The following ATG16L1 variants were observed in gnomAD, a reference collection of about 807,000 sequenced individuals.
ATG16L1 encodes autophagy related 16 like 1, also known as autophagy-related protein 16-1.
ATG16L1 carries 37 observed loss-of-function variants against 88.5 expected under a neutral mutation model. That is an observed-to-expected ratio of 0.42 (90% CI 0.32 to 0.55). The LOEUF (loss-of-function observed/expected upper bound fraction) is 0.55, where lower values mean the gene tolerates loss of function less well. ATG16L1 is among the 20% of genes least tolerant of loss of function. The probability of loss-of-function intolerance (pLI) is 0.13; values close to 1 mark genes in which losing one functional copy is unlikely to be tolerated. For synonymous variants in ATG16L1, 301 were observed against 281.0 expected (o/e 1.07, Z -0.71); for missense variants, 554 against 752.8 (o/e 0.74, Z 3.09).
chr2:233,252,424 G>T (rs1696440402), intron 1 of ATG16L1, among the ~76,000 whole-genome samples: 1 of 151,796 alleles, frequency 6.6e-6, no homozygotes, highest in Non-Finnish European at 1.5e-5. Context: ...CTGTGTCGCC[G>T]AGCCTGGAGT....
At chr2:233,270,124 G>C in intron 6 of ATG16L1, 57 bp downstream of exon 6, 1 of 1,485,876 alleles carries the variant, frequency 6.7e-7, no homozygotes, top group Non-Finnish European at 9.0e-7. Context: ...TCTCTTAAAA[G>C]TTTTGTTTTT....
intron 2 of ATG16L1, among the ~76,000 whole-genome samples, chr2:233,258,313 G>A (rs569483910): frequency 2.0e-4 from 31 of 152,170 alleles, no homozygotes; most frequent in Non-Finnish European, 4.3e-4. Context: ...GTAGCCTGAT[G>A]TATTTACTCC....
chr2:233,274,000 G>A, intron 8 of ATG16L1: 1 of 1,551,074 alleles, frequency 6.4e-7, no homozygotes, highest in South Asian at 1.2e-5. Context: ...GTCTGTCCGA[G>A]TCTCCCCTTT....
intron 12 of ATG16L1, among the ~76,000 whole-genome samples, chr2:233,286,621 C>CTTTTTTTTTTTT (rs10676895): frequency 1.1e-5 from 1 of 93,290 alleles, no homozygotes; most frequent in African/African-American, 4.7e-5. Context: ...GAAGCCCAAA[C>CTTTTTTTTTTTT]TTTTTTTTTT....
chr2:233,276,539 A>G (rs529807569), intron 9 of ATG16L1, among the ~76,000 whole-genome samples: 3 of 152,310 alleles, frequency 2.0e-5, no homozygotes, highest in East Asian at 1.9e-4. Flanking sequence ...CAGTAGCACA[A>G]TCTCAGCTCA....
At chr2:233,281,838 T>A (rs752091113) in intron 11 of ATG16L1, among the ~76,000 whole-genome samples, 14 of 152,124 alleles carry the variant, frequency 9.2e-5, no homozygotes, top group Non-Finnish European at 1.9e-4. Context: ...CATTCCTGGG[T>A]GGGCTGAGTG....
intron 2 of ATG16L1, among the ~76,000 whole-genome samples, chr2:233,259,235 T>A (rs34123137): frequency 0.42 from 63,386 of 151,970 alleles, 14,343 homozygotes; most frequent in Non-Finnish European, 0.52. Flanking sequence ...GTAGGAAAGA[T>A]GAGGTAATTG....
chr2:233,265,668 C>A (rs1487341055), intron 5 of ATG16L1, among the ~76,000 whole-genome samples: 2 of 152,082 alleles, frequency 1.3e-5, no homozygotes, highest in African/African-American at 4.8e-5. Context: ...TGGAGTTTCA[C>A]CATGTTGGCC....
At chr2:233,258,916 T>C (rs2125208096) in intron 2 of ATG16L1, among the ~76,000 whole-genome samples, 1 of 152,248 alleles carries the variant, frequency 6.6e-6, no homozygotes, top group African/African-American at 2.4e-5. Flanking sequence ...CCCAGGCTGG[T>C]CTTTACTCCT....
chr2:233,286,892 TG>T (rs1351298770), intron 12 of ATG16L1, among the ~76,000 whole-genome samples: 1 of 151,988 alleles, frequency 6.6e-6, no homozygotes, highest in African/African-American at 2.4e-5. Context: ...CCCAAAGTGC[TG>T]GGATTACAGG....
At position 233,265,053 on chromosome 2, in the gene ATG16L1, C is replaced by T; in HGVS notation, c.551C>T (p.Thr184Met). 1.8e-5 allele frequency: 29 copies of T among 1,614,166 alleles called. No homozygotes were observed. The highest frequency in any genetic ancestry group is 2.2e-5 in the Non-Finnish European group (26 of 1,180,034). The change falls in exon 5 of 18, where the codon ACG becomes ATG. Residue 184 changes from threonine (T) to methionine (M), a missense_variant. Thr to Met is a moderately conservative substitution (Grantham distance 81). Coordinates refer to ENST00000392017, the MANE Select transcript of ATG16L1 (RefSeq NM_030803.7). ...TALEGKLRKT[T>M]EENQELVTRW... ...TTGGAGGGAAAACTGAGGAAAACTA[C>T]GGAAGAGAACCAGGAGCTGGTCACC...
intron 7 of ATG16L1, chr2:233,273,330 G>C: frequency 4.0e-6 from 2 of 503,214 alleles, no homozygotes; most frequent in South Asian, 5.7e-5. Flanking sequence ...TAAGCAGAAT[G>C]ATTGTTTAGG....
At chr2:233,277,357 G>T in intron 9 of ATG16L1, 1 of 475,068 alleles carries the variant, frequency 2.1e-6, no homozygotes, top group Non-Finnish European at 3.8e-6. Context: ...TGAGAAGGTT[G>T]CACTGCACTC....
At chr2:233,257,681 C>T (rs1198679120) in intron 2 of ATG16L1, among the ~76,000 whole-genome samples, 1 of 152,142 alleles carries the variant, frequency 6.6e-6, no homozygotes, top group African/African-American at 2.4e-5. Context: ...TTGCAGTAAG[C>T]TCTTATTTTT....
intron 14 of ATG16L1, 108 bp downstream of exon 14, chr2:233,290,461 G>T: frequency 1.1e-6 from 1 of 872,732 alleles, no homozygotes; most frequent in Non-Finnish European, 1.9e-6. Flanking sequence ...AATGAGTTTC[G>T]GTACACGTAT....
At chr2:233,281,757 T>TA (rs990345348) in intron 11 of ATG16L1, among the ~76,000 whole-genome samples, 1 of 152,068 alleles carries the variant, frequency 6.6e-6, no homozygotes, top group Admixed American at 6.6e-5. Context: ...GATGACTGGG[T>TA]GAGGCCAAGG....
chr2:233,294,448 A>G lies in ATG16L1; in HGVS notation c.*98A>G, dbSNP rs961103780. 18 of 889,032 alleles carry G rather than the reference A, an allele frequency of 2.0e-5. No individual in the cohort carries two copies. Among genetic ancestry groups the G allele is most frequent in the Non-Finnish European group, 3.1e-5 (18 of 579,018 alleles). 55.1% of individuals were successfully genotyped at this position (889,032 alleles called of 1,614,324 possible). On this transcript the variant is annotated 3_prime_UTR_variant, in exon 18 of 18. Transcript: ENST00000392017. ...TGGCAGGTGATGTGCTGGGTATAGC[A>G]TGGACCTCCCAGAGAAGCTCAAGCT...
intron 10 of ATG16L1, among the ~76,000 whole-genome samples, chr2:233,278,473 G>T (rs1468389796): frequency 6.6e-6 from 1 of 152,184 alleles, no homozygotes; most frequent in African/African-American, 2.4e-5. Flanking sequence ...AAGTGATTTT[G>T]TCTGTTAATT....
chr2:233,294,600 C>G lies in ATG16L1; in HGVS notation c.*250C>G. ...ACTTAGCAGAGGCTCAGGTTCTTGCCTTGGGAAACACTACTAGCTCTGACC... is the reference window on the plus strand; with the variant it reads ...ACTTAGCAGAGGCTCAGGTTCTTGCGTTGGGAAACACTACTAGCTCTGACC... On this transcript the variant is annotated 3_prime_UTR_variant, in exon 18 of 18. Transcript: ENST00000392017. The G allele has an allele frequency of 5.7e-6, 2 of 352,628 alleles. No individual in the cohort carries two copies. The highest frequency in any genetic ancestry group is 1.0e-5 in the Non-Finnish European group (2 of 190,732). 21.8% of individuals were successfully genotyped at this position (352,628 alleles called of 1,614,324 possible).
Sources: allele counts gnomAD v4.1 joint callset (sites outside exome capture counted in the v4.1 genomes callset), GRCh38; gene constraint gnomAD v4.1.1; transcripts MANE v1.5; gene names NCBI Gene and HGNC (gene_info 2026-07-23, HGNC 2026-07-21).